COMMD1: variants seen among roughly 807,000 people sequenced by gnomAD.
COMMD1 encodes COMM domain-containing protein 1.
A neutral mutation model predicts 17.2 loss-of-function variants in COMMD1; 10 were observed. The observed-to-expected ratio is 0.58, with a 90% CI of 0.36 to 0.99. COMMD1 has a LOEUF of 0.99. Ranked by LOEUF, COMMD1 falls within the 50% of genes least tolerant of loss-of-function variation. The probability of loss-of-function intolerance (pLI) is 0.01; values close to 1 mark genes in which losing one functional copy is unlikely to be tolerated. For missense variants in COMMD1, 270 were observed against 231.8 expected (o/e 1.17, Z -1.07); for synonymous variants, 97 against 91.6 (o/e 1.06, Z -0.34).
At chr2:61,992,840 T>G (rs1672286333) in intron 1 of COMMD1, among the ~76,000 whole-genome samples, 1 of 152,222 alleles carries the variant, frequency 6.6e-6, no homozygotes, top group Non-Finnish European at 1.5e-5. Context: ...TAGTAATACA[T>G]GCATAATATA....
chr2:62,022,992 C>T (rs551775704), intron 2 of COMMD1, among the ~76,000 whole-genome samples: 1 of 152,060 alleles, frequency 6.6e-6, no homozygotes, highest in African/African-American at 2.4e-5. Flanking sequence ...TTTGGGAGGC[C>T]GAGGTGGGCA....
At chr2:62,123,289 A>C (rs1342428637) in intron 2 of COMMD1, among the ~76,000 whole-genome samples, 2 of 152,026 alleles carry the variant, frequency 1.3e-5, no homozygotes, top group Non-Finnish European at 1.5e-5. Flanking sequence ...GCAGATCATG[A>C]GGTCAGGAGT....
intron 1 of COMMD1, among the ~76,000 whole-genome samples, chr2:61,979,851 A>C (rs1671909583): frequency 1.5e-5 from 2 of 133,746 alleles, no homozygotes; most frequent in Non-Finnish European, 1.6e-5. Flanking sequence ...GCACCCACTA[A>C]TGTGTCATCT....
intron 2 of COMMD1, among the ~76,000 whole-genome samples, chr2:62,129,531 A>G (rs1296188880): frequency 1.3e-5 from 2 of 152,218 alleles, no homozygotes; most frequent in African/African-American, 2.4e-5. Context: ...GAGCAGTATC[A>G]ATGATAATTG....
At chr2:61,981,228 A>G (rs185285432) in intron 1 of COMMD1, among the ~76,000 whole-genome samples, 73 of 152,352 alleles carry the variant, frequency 4.8e-4, no homozygotes, top group Middle Eastern at 3.4e-3. Flanking sequence ...ATCTTTGCCC[A>G]GTCCAATGGC....
chr2:62,058,738 A>C (rs75909374), intron 2 of COMMD1, among the ~76,000 whole-genome samples: 2 of 147,924 alleles, frequency 1.4e-5, no homozygotes, highest in African/African-American at 5.0e-5. Flanking sequence ...ACCCTGTCTC[A>C]AAAAAAAAAG....
At chr2:62,076,575 C>T (rs1260620371) in intron 2 of COMMD1, among the ~76,000 whole-genome samples, 2 of 151,894 alleles carry the variant, frequency 1.3e-5, no homozygotes, top group Non-Finnish European at 2.9e-5. Context: ...GGTGAAACCC[C>T]GTCGCTACTA....
chr2:62,042,565 C>T (rs1022451340), intron 2 of COMMD1, among the ~76,000 whole-genome samples: 4 of 152,150 alleles, frequency 2.6e-5, no homozygotes, highest in African/African-American at 9.6e-5. Context: ...CCGGAACCCG[C>T]GAGCGCCGAG....
At chr2:62,057,116 A>G (rs1392556118) in intron 2 of COMMD1, among the ~76,000 whole-genome samples, 1 of 152,148 alleles carries the variant, frequency 6.6e-6, no homozygotes, top group Non-Finnish European at 1.5e-5. Context: ...TTGCAGGAAA[A>G]CAAGTTCAGG....
chr2:62,104,588 C>T (rs1490734173), intron 2 of COMMD1, among the ~76,000 whole-genome samples: 6 of 146,152 alleles, frequency 4.1e-5, no homozygotes, highest in African/African-American at 5.1e-5. Context: ...GAGTCGAGAT[C>T]GCGCCACTGT....
intron 2 of COMMD1, among the ~76,000 whole-genome samples, chr2:62,030,205 T>C (rs1179165658): frequency 6.6e-6 from 1 of 152,108 alleles, no homozygotes; most frequent in Non-Finnish European, 1.5e-5. Flanking sequence ...ACAAGGTAGG[T>C]CATTTCATTT....
At chr2:61,892,357 C>T (rs556782980) in intron 1 of COMMD1, among the ~76,000 whole-genome samples, 1 of 152,082 alleles carries the variant, frequency 6.6e-6, no homozygotes, top group South Asian at 2.1e-4. Context: ...GTCCTAGACC[C>T]TCAATAATAG....
In COMMD1 at chr2:61,975,118, C is replaced by CTTTTTTTTTTT; in HGVS notation, c.181-25571_181-25561dup. Among the ~76,000 whole-genome samples, 128 of 80,148 alleles carry CTTTTTTTTTTT rather than the reference C, an allele frequency of 1.6e-3. 1 individual carries two copies. Among genetic ancestry groups the CTTTTTTTTTTT allele is most frequent in the South Asian group, 2.0e-3 (4 of 1,996 alleles). The allele number at this position is 80,148 out of a possible 152,430, so 52.6% of individuals were successfully genotyped here. A position where few individuals can be genotyped will look rare whatever the true frequency, so the allele number is the denominator to read the frequency against. On this transcript the variant is annotated intron_variant, in intron 1 of 2. Coordinates refer to ENST00000311832, the MANE Select transcript of COMMD1 (RefSeq NM_152516.4). ...TCATGGCTCGATAGCTCATTTCTTT[C>CTTTTTTTTTTT]TTTTTTTTTTTTTTTTTTTTTTGTA...
intron 1 of COMMD1, among the ~76,000 whole-genome samples, chr2:61,954,489 A>G (rs1671141967): frequency 6.6e-6 from 1 of 152,048 alleles, no homozygotes; most frequent in Non-Finnish European, 1.5e-5. Context: ...ATTCTGTCTT[A>G]TTGTGATAGT....
intron 1 of COMMD1, among the ~76,000 whole-genome samples, chr2:61,985,784 C>T (rs1187219913): frequency 1.3e-5 from 2 of 151,936 alleles, no homozygotes; most frequent in Admixed American, 6.6e-5. Context: ...TGTCTCCCTG[C>T]TTTTTAACTG....
intron 1 of COMMD1, among the ~76,000 whole-genome samples, chr2:61,945,634 C>A (rs1251207098): frequency 2.0e-5 from 3 of 152,202 alleles, no homozygotes; most frequent in Non-Finnish European, 4.4e-5. Context: ...AGCCTCAGGA[C>A]GTCCTGATGA....
At chr2:62,122,739 C>T (rs1379680529) in intron 2 of COMMD1, among the ~76,000 whole-genome samples, 2 of 149,588 alleles carry the variant, frequency 1.3e-5, no homozygotes, top group African/African-American at 2.6e-5. Context: ...ATCTATCTAG[C>T]TAAATTATGG....
chr2:62,042,771 G>A (rs1459286903), intron 2 of COMMD1, among the ~76,000 whole-genome samples: 1 of 152,176 alleles, frequency 6.6e-6, no homozygotes, highest in Non-Finnish European at 1.5e-5. Context: ...AGGACTACAA[G>A]CATAAGCCAC....
At chr2:61,956,043 G>A (rs964497805) in intron 1 of COMMD1, among the ~76,000 whole-genome samples, 1 of 152,212 alleles carries the variant, frequency 6.6e-6, no homozygotes, top group African/African-American at 2.4e-5. Flanking sequence ...ACGGGTATAT[G>A]TAGCACATAA....
Sources: allele counts gnomAD v4.1 joint callset (sites outside exome capture counted in the v4.1 genomes callset), GRCh38; gene constraint gnomAD v4.1.1; transcripts MANE v1.5; gene names NCBI Gene and HGNC (gene_info 2026-07-23, HGNC 2026-07-21).